The following MECOM variants were observed in gnomAD, a reference collection of about 807,000 sequenced individuals.
MECOM encodes histone-lysine N-methyltransferase MECOM.
Under a neutral mutation model 116.3 loss-of-function variants are expected in MECOM, and 13 were observed. The ratio of observed to expected loss-of-function variants is 0.11; its 90% CI spans 0.07 to 0.18. The LOEUF (loss-of-function observed/expected upper bound fraction) is 0.18, where lower values mean the gene tolerates loss of function less well. Ranked by LOEUF, MECOM falls within the 10% of genes least tolerant of loss-of-function variation. The probability of loss-of-function intolerance (pLI) is 1.00; values close to 1 mark genes in which losing one functional copy is unlikely to be tolerated. For synonymous variants in MECOM, 528 were observed against 535.2 expected (o/e 0.99, Z 0.19); for missense variants, 1,299 against 1,509.0 (o/e 0.86, Z 2.31).
At chr3:169,654,423 C>T (rs747639023) in intron 1 of MECOM, among the ~76,000 whole-genome samples, 1 of 152,166 alleles carries the variant, frequency 6.6e-6, no homozygotes, top group Non-Finnish European at 1.5e-5. Flanking sequence ...AGGTTCAGGT[C>T]TTAAAAATCA....
intron 2 of MECOM, among the ~76,000 whole-genome samples, chr3:169,253,065 A>AT (rs1057490045): frequency 5.3e-5 from 8 of 152,134 alleles, no homozygotes; most frequent in Admixed American, 6.6e-5. Context: ...ATTTTTAGCT[A>AT]TTTTTTAAAA....
intron 2 of MECOM, among the ~76,000 whole-genome samples, chr3:169,208,936 C>T (rs1032547088): frequency 1.3e-5 from 2 of 149,332 alleles, no homozygotes; most frequent in Non-Finnish European, 3.0e-5. Flanking sequence ...CATTGCTTGA[C>T]TTCAAACTAT....
intron 1 of MECOM, among the ~76,000 whole-genome samples, chr3:169,589,772 T>C (rs1469249128): frequency 6.6e-6 from 1 of 152,124 alleles, no homozygotes; most frequent in Non-Finnish European, 1.5e-5. Flanking sequence ...CCGACTCACA[T>C]AGAAAAATCT....
At chr3:169,530,969 A>G (rs763887126) in intron 1 of MECOM, among the ~76,000 whole-genome samples, 1 of 152,056 alleles carries the variant, frequency 6.6e-6, no homozygotes, top group African/African-American at 2.4e-5. Context: ...GAATTTCGCC[A>G]TGACTGAGCC....
intron 5 of MECOM, among the ~76,000 whole-genome samples, chr3:169,127,309 T>C (rs1733186826): frequency 6.6e-6 from 1 of 152,140 alleles, no homozygotes; most frequent in Non-Finnish European, 1.5e-5. Flanking sequence ...ATTGTGTTTC[T>C]CTTTTTCCTT....
intron 2 of MECOM, among the ~76,000 whole-genome samples, chr3:169,187,209 A>T (rs951232805): frequency 6.6e-6 from 1 of 152,052 alleles, no homozygotes; most frequent in African/African-American, 2.4e-5. Flanking sequence ...TCACCCTTCA[A>T]AGAAGTTGCA....
intron 2 of MECOM, among the ~76,000 whole-genome samples, chr3:169,227,638 G>C (rs1476585831): frequency 2.6e-5 from 4 of 152,180 alleles, no homozygotes; most frequent in Non-Finnish European, 5.9e-5. Context: ...CTGAATGGCA[G>C]GCTGGACACA....
rs141449467 is a variant in MECOM, at chr3:169,317,965, C to T, written c.375+63222G>A. 1.3e-3 allele frequency among the ~76,000 whole-genome samples: 200 copies of T among 152,122 alleles called. No individual in the cohort carries two copies. The East Asian group carries it at 0.021, about 16-fold the overall frequency. ...AACAGAACAGGGGCCTCAGAAATAACGCCACACAGCTACAACCATCTGATC... is the reference window on the plus strand; with the variant it reads ...AACAGAACAGGGGCCTCAGAAATAATGCCACACAGCTACAACCATCTGATC... On this transcript the variant is annotated intron_variant, in intron 2 of 16. Coordinates refer to ENST00000651503, the MANE Select transcript of MECOM (RefSeq NM_004991.4).
chr3:169,469,872 T>C (rs949314321), intron 1 of MECOM, among the ~76,000 whole-genome samples: 47 of 152,318 alleles, frequency 3.1e-4, no homozygotes, highest in Non-Finnish European at 1.5e-4. Flanking sequence ...TAAAAGATGG[T>C]ACCCAATCAA....
intron 16 of MECOM, 73 bp from the exon 17 acceptor site, chr3:169,085,116 G>C: frequency 6.3e-7 from 1 of 1,582,316 alleles, no homozygotes. Flanking sequence ...GAATATTGTT[G>C]GTAAATGGAA....
intron 1 of MECOM, among the ~76,000 whole-genome samples, chr3:169,460,128 C>G (rs576692096): frequency 6.6e-6 from 1 of 152,058 alleles, no homozygotes; most frequent in Non-Finnish European, 1.5e-5. Context: ...CAGACTCCCA[C>G]GTCCTCACTG....
intron 2 of MECOM, among the ~76,000 whole-genome samples, chr3:169,175,452 G>A (rs149249189): frequency 6.6e-6 from 1 of 152,234 alleles, no homozygotes; most frequent in Non-Finnish European, 1.5e-5. Flanking sequence ...TTCAGGTTAT[G>A]TGCATAAGGT....
Position 169,446,723 on chromosome 3 carries a change from T to A in MECOM, c.38-65199A>T, listed in dbSNP as rs539712532. On this transcript the variant is annotated intron_variant, in intron 1 of 16. Transcript: ENST00000651503. The stretch of plus-strand genomic sequence containing the variant: ...CACTGTGAGGTCACTATTACTGTTT[T>A]TTCAGTTAAGGAAATAAAGACTGAG... 2.0e-5 allele frequency among the ~76,000 whole-genome samples: 3 copies of A among 152,332 alleles called. No homozygotes were observed. In the East Asian group the frequency reaches 5.8e-4, roughly 29 times the overall value.
intron 1 of MECOM, among the ~76,000 whole-genome samples, chr3:169,413,488 TTA>T (rs1491074828): frequency 1.6e-4 from 7 of 44,634 alleles, no homozygotes; most frequent in East Asian, 1.1e-3. Flanking sequence ...GTTTTTTTTT[TTA>T]TTTTTTTTTT....
chr3:169,463,448 G>A (rs1211943003), intron 1 of MECOM, among the ~76,000 whole-genome samples: 1 of 152,180 alleles, frequency 6.6e-6, no homozygotes, highest in Admixed American at 6.6e-5. Flanking sequence ...TGCTAAAGGT[G>A]TTAAGCAATA....
chr3:169,635,751 G>A (rs1560518451), intron 1 of MECOM, among the ~76,000 whole-genome samples: 1 of 152,178 alleles, frequency 6.6e-6, no homozygotes, highest in Non-Finnish European at 1.5e-5. Context: ...CACTGGATAT[G>A]CTCTAAATAA....
intron 2 of MECOM, among the ~76,000 whole-genome samples, chr3:169,255,874 A>T (rs1197985313): frequency 6.6e-6 from 1 of 152,134 alleles, no homozygotes; most frequent in Non-Finnish European, 1.5e-5. Flanking sequence ...ATTTTTAAAG[A>T]TCATTTTGTT....
At chr3:169,434,454 T>C (rs1229967845) in intron 1 of MECOM, among the ~76,000 whole-genome samples, 12 of 151,250 alleles carry the variant, frequency 7.9e-5, no homozygotes, top group African/African-American at 2.2e-4. Context: ...TTTTTTTTTG[T>C]TTTGTTCTAA....
At chr3:169,380,449 C>T (rs1211772319) in intron 2 of MECOM, among the ~76,000 whole-genome samples, 2 of 152,090 alleles carry the variant, frequency 1.3e-5, no homozygotes, top group Non-Finnish European at 2.9e-5. Flanking sequence ...AACATAGTTA[C>T]CTGTCTTTAT....
Sources: gnomAD v4.1 joint callset for allele counts (sites outside exome capture counted in the v4.1 genomes callset) on GRCh38, gnomAD v4.1.1 for gene constraint, MANE v1.5 for transcripts, NCBI Gene and HGNC (gene_info 2026-07-23, HGNC 2026-07-21) for gene names.